FAM135B: variants seen among roughly 807,000 people sequenced by gnomAD.
The protein encoded by FAM135B is family with sequence similarity 135 member B, also known as protein FAM135B.
Under a neutral mutation model 127.7 loss-of-function variants are expected in FAM135B, and 43 were observed. The ratio of observed to expected loss-of-function variants is 0.34; its 90% CI spans 0.26 to 0.43. The LOEUF (loss-of-function observed/expected upper bound fraction) is 0.43. FAM135B is among the 20% of genes least tolerant of loss of function. The pLI, the probability that FAM135B is intolerant of heterozygous loss-of-function variation, is 1.00. For synonymous variants in FAM135B, 670 were observed against 665.1 expected (o/e 1.01, Z -0.11); for missense variants, 1,558 against 1,725.6 (o/e 0.90, Z 1.72).
At chr8:138,145,006 G>T (rs1239754481) in intron 15 of FAM135B, among the ~76,000 whole-genome samples, 2 of 151,980 alleles carry the variant, frequency 1.3e-5, no homozygotes, top group Non-Finnish European at 2.9e-5. Flanking sequence ...TTTTAGTTTA[G>T]TTTAGTTTAG....
At chr8:138,436,602 T>C (rs1356041647) in intron 1 of FAM135B, among the ~76,000 whole-genome samples, 1 of 152,158 alleles carries the variant, frequency 6.6e-6, no homozygotes, top group Non-Finnish European at 1.5e-5. Context: ...TTTGCAACCA[T>C]GTGTTCACGT....
At chr8:138,262,498 A>G (rs1402526292) in intron 4 of FAM135B, among the ~76,000 whole-genome samples, 1 of 152,198 alleles carries the variant, frequency 6.6e-6, no homozygotes, top group African/African-American at 2.4e-5. Flanking sequence ...TTCCTAAACT[A>G]AAGGTATTAA....
At chr8:138,311,050 G>A in intron 2 of FAM135B, 130 bp from the exon 3 acceptor site, 1 of 653,644 alleles carries the variant, frequency 1.5e-6, no homozygotes, top group Non-Finnish European at 2.6e-6. Flanking sequence ...ACAATCATCT[G>A]GCATCAATGA....
intron 19 of FAM135B, among the ~76,000 whole-genome samples, chr8:138,134,377 A>G (rs1816455277): frequency 6.6e-6 from 1 of 152,218 alleles, no homozygotes; most frequent in Admixed American, 6.5e-5. Context: ...AAAGGTCAGA[A>G]GGTCATTTAT....
chr8:138,309,443 C>G (rs768315342), intron 3 of FAM135B, among the ~76,000 whole-genome samples: 3 of 152,210 alleles, frequency 2.0e-5, no homozygotes, highest in Non-Finnish European at 4.4e-5. Flanking sequence ...TAATGCTTCA[C>G]TCTGCTCAGA....
At chr8:138,460,854 G>C (rs1462989507) in intron 1 of FAM135B, among the ~76,000 whole-genome samples, 2 of 152,090 alleles carry the variant, frequency 1.3e-5, no homozygotes, top group Non-Finnish European at 2.9e-5. Context: ...AATAGCTAAG[G>C]ACGGCAAAGA....
At chr8:138,477,546 T>G (rs1814550823) in intron 1 of FAM135B, 1 of 152,168 alleles carries the variant, frequency 6.6e-6, no homozygotes, top group African/African-American at 2.4e-5. Flanking sequence ...TAACCTTAGA[T>G]GGCTGACAAT....
chr8:138,151,499 G>C lies in FAM135B; in HGVS notation c.2976C>G (p.Ser992=), dbSNP rs751949889. ...AGTVCPTVTH[S]VHSQVLKNQE... is the part of the protein sequence containing the mutation. The stretch of plus-strand genomic sequence containing the variant: ...GGTTTTTCAAAACCTGGGAATGAAC[G>C]GAATGGGTCACAGTGGGGCACACAG... The change falls in exon 13 of 20, where the codon TCC becomes TCG. Residue 992 remains serine (S), a synonymous_variant. Transcript: ENST00000395297. 2 of 1,614,236 alleles carry C rather than the reference G, an allele frequency of 1.2e-6. No homozygotes were observed. The highest frequency in any genetic ancestry group is 1.7e-6 in the Non-Finnish European group (2 of 1,180,048).
At chr8:138,210,473 G>A (rs982441086) in intron 7 of FAM135B, among the ~76,000 whole-genome samples, 2 of 152,136 alleles carry the variant, frequency 1.3e-5, no homozygotes, top group African/African-American at 2.4e-5. Flanking sequence ...AGTTTGGCAG[G>A]CTTAACAGGA....
chr8:138,367,022 A>G (rs1487350282), intron 2 of FAM135B, among the ~76,000 whole-genome samples: 1 of 152,138 alleles, frequency 6.6e-6, no homozygotes, highest in Non-Finnish European at 1.5e-5. Context: ...AGATCATCCA[A>G]GCCACATCTA....
chr8:138,333,784 G>A (rs1828353315), intron 2 of FAM135B, among the ~76,000 whole-genome samples: 1 of 152,170 alleles, frequency 6.6e-6, no homozygotes, highest in South Asian at 2.1e-4. Context: ...CAGACTGTGA[G>A]CTCCTTGCTA....
chr8:138,414,119 C>CAT (rs60918986), intron 1 of FAM135B, among the ~76,000 whole-genome samples: 21,548 of 124,498 alleles, frequency 0.17, 2,281 homozygotes, highest in African/African-American at 0.28. Context: ...CACACAAATA[C>CAT]ATATATATAT....
At chr8:138,226,184 T>TGTGTGTGTGCAC in intron 7 of FAM135B, among the ~76,000 whole-genome samples, 1 of 139,202 alleles carries the variant, frequency 7.2e-6, no homozygotes, top group African/African-American at 2.7e-5. Context: ...TGTGTGTGTG[T>TGTGTGTGTGCAC]GCGCGCATGT....
At chr8:138,271,791 T>C (rs979938231) in intron 3 of FAM135B, among the ~76,000 whole-genome samples, 1 of 152,212 alleles carries the variant, frequency 6.6e-6, no homozygotes, top group African/African-American at 2.4e-5. Flanking sequence ...ATATAATACA[T>C]ACAAAATGGT....
intron 1 of FAM135B, among the ~76,000 whole-genome samples, chr8:138,460,039 C>T (rs796111365): frequency 6.6e-6 from 1 of 152,188 alleles, no homozygotes; most frequent in Non-Finnish European, 1.5e-5. Flanking sequence ...ATAAGGCCGG[C>T]CCATAGGAAG....
chr8:138,497,526 G>A (rs191781256), upstream of FAM135B, among the ~76,000 whole-genome samples: 60 of 152,284 alleles, frequency 3.9e-4, no homozygotes, highest in East Asian at 0.01. Context: ...GGGGCGGGGC[G>A]CGGCGGAGAA....
intron 1 of FAM135B, among the ~76,000 whole-genome samples, chr8:138,375,320 C>T (rs1441857108): frequency 1.3e-5 from 2 of 152,054 alleles, no homozygotes; most frequent in Non-Finnish European, 2.9e-5. Context: ...TACGAAGTAC[C>T]ATGTAAAATG....
chr8:138,274,940 G>A (rs922856038), intron 3 of FAM135B, among the ~76,000 whole-genome samples: 1 of 149,886 alleles, frequency 6.7e-6, no homozygotes, highest in African/African-American at 2.5e-5. Flanking sequence ...TGTACAATTT[G>A]TGCAGTTAAT....
At chr8:138,460,380 C>A (rs75937362) in intron 1 of FAM135B, among the ~76,000 whole-genome samples, 1,581 of 152,262 alleles carry the variant, frequency 0.01, 28 homozygotes, top group African/African-American at 0.037. Context: ...GAAGCTAAAG[C>A]CTTCTTCCAA....
Sources: gnomAD v4.1 joint callset for allele counts (sites outside exome capture counted in the v4.1 genomes callset) on GRCh38, gnomAD v4.1.1 for gene constraint, MANE v1.5 for transcripts, NCBI Gene and HGNC (gene_info 2026-07-23, HGNC 2026-07-21) for gene names.